The following PLCL2 variants were observed in gnomAD, a reference collection of about 807,000 sequenced individuals.
PLCL2 encodes the protein phospholipase C like 2, also known as inactive phospholipase C-like protein 2.
A neutral mutation model predicts 79.6 loss-of-function variants in PLCL2; 4 were observed. That is an observed-to-expected ratio of 0.05 (90% confidence interval 0.02 to 0.11). The LOEUF is 0.11. Among genes scored for constraint, PLCL2 ranks in the 10% least tolerant of loss-of-function variants. PLCL2 has a pLI of 1.00. For synonymous variants in PLCL2, 484 were observed against 457.7 expected (o/e 1.06, Z -0.73); for missense variants, 895 against 1,291.0 (o/e 0.69, Z 4.70).
At chr3:16,952,271 A>G (rs907279605) in intron 1 of PLCL2, among the ~76,000 whole-genome samples, 1 of 150,214 alleles carries the variant, frequency 6.7e-6, no homozygotes, top group African/African-American at 2.4e-5. Context: ...AGGTGCAGCA[A>G]ACCACCATGG....
chr3:16,935,736 T>G (rs900763964), intron 1 of PLCL2, among the ~76,000 whole-genome samples: 2 of 152,166 alleles, frequency 1.3e-5, no homozygotes, highest in East Asian at 3.8e-4. Context: ...TATAGAGAGA[T>G]AAGATTTAAG....
At chr3:17,085,625 A>G (rs936661198) in intron 5 of PLCL2, among the ~76,000 whole-genome samples, 9 of 149,754 alleles carry the variant, frequency 6.0e-5, no homozygotes, top group African/African-American at 2.0e-4. Context: ...AATTTTTTGT[A>G]TTTTTAGTAG....
chr3:16,993,216 G>A (rs1339124728), intron 1 of PLCL2, among the ~76,000 whole-genome samples: 1 of 152,186 alleles, frequency 6.6e-6, no homozygotes, highest in Non-Finnish European at 1.5e-5. Flanking sequence ...TTTGCCCAGG[G>A]CAGTCCCTGT....
intron 3 of PLCL2, among the ~76,000 whole-genome samples, chr3:17,027,374 G>A (rs2047343739): frequency 1.3e-5 from 2 of 152,216 alleles, no homozygotes; most frequent in Admixed American, 1.3e-4. Flanking sequence ...TAAATGAAGT[G>A]TTTTTGGAGA....
chr3:16,936,623 A>G (rs1697545799), intron 1 of PLCL2, among the ~76,000 whole-genome samples: 1 of 152,278 alleles, frequency 6.6e-6, no homozygotes, highest in Non-Finnish European at 1.5e-5. Context: ...TTTATTCCTG[A>G]AAGAACAAAA....
chr3:16,908,798 A>C (rs761059294), intron 1 of PLCL2, among the ~76,000 whole-genome samples: 2 of 152,226 alleles, frequency 1.3e-5, no homozygotes, highest in Admixed American at 6.5e-5. Flanking sequence ...GCTTAAAAAT[A>C]GCTTGTTTAT....
At chr3:17,033,972 G>A (rs993218103) in intron 3 of PLCL2, among the ~76,000 whole-genome samples, 8 of 152,108 alleles carry the variant, frequency 5.3e-5, no homozygotes, top group Non-Finnish European at 1.2e-4. Context: ...GTATAGTGAG[G>A]TGAGTTTTAG....
intron 4 of PLCL2, among the ~76,000 whole-genome samples, chr3:17,065,487 A>G (rs962456648): frequency 1.3e-5 from 2 of 152,088 alleles, no homozygotes; most frequent in African/African-American, 4.8e-5. Flanking sequence ...CTGCTGTTCC[A>G]TACTTACATT....
In PLCL2 at chr3:17,050,976, A is replaced by C. The variant is rs115782660; in HGVS notation, c.3094+8027A>C. 3.0e-3 allele frequency among the ~76,000 whole-genome samples: 453 copies of C among 152,356 alleles called. 4 individuals are homozygous for C. Among genetic ancestry groups the C allele is most frequent in the African/African-American group, 0.01 (433 of 41,578 alleles). ...TGCTATTCAGCCATGGAAAAGAATG[A>C]GATCCTATCATTTGCAACATGGATG... On this transcript the variant is annotated intron_variant, in intron 4 of 5. Transcript: ENST00000615277.
chr3:17,072,240 T>G (rs753840153), intron 5 of PLCL2, among the ~76,000 whole-genome samples: 1 of 152,220 alleles, frequency 6.6e-6, no homozygotes, highest in Non-Finnish European at 1.5e-5. Flanking sequence ...AACAAAGATT[T>G]ATTTCCATTT....
intron 1 of PLCL2, among the ~76,000 whole-genome samples, chr3:16,905,616 A>G (rs1425676819): frequency 6.6e-6 from 1 of 152,250 alleles, no homozygotes; most frequent in African/African-American, 2.4e-5. Context: ...ATGAAATTGT[A>G]TACCAAAAAA....
chr3:16,902,881 T>TGTGTGTGCGC (rs1272936432), intron 1 of PLCL2, among the ~76,000 whole-genome samples: 25 of 133,914 alleles, frequency 1.9e-4, no homozygotes, highest in Admixed American at 8.4e-4. Flanking sequence ...TGTGTGTGTG[T>TGTGTGTGCGC]GNGCGCATGT....
At chr3:17,049,585 C>T (rs1207399071) in intron 4 of PLCL2, among the ~76,000 whole-genome samples, 1 of 151,532 alleles carries the variant, frequency 6.6e-6, no homozygotes, top group Admixed American at 6.6e-5. Flanking sequence ...TTAAAATAGC[C>T]CCAAATAAAA....
chr3:17,046,731 T>C (rs565845397), intron 4 of PLCL2, among the ~76,000 whole-genome samples: 4 of 152,230 alleles, frequency 2.6e-5, no homozygotes, highest in Admixed American at 6.5e-5. Flanking sequence ...CAAGTGATAA[T>C]TGGCTTAGCT....
chr3:16,930,175 G>GT (rs1697358904), intron 1 of PLCL2, among the ~76,000 whole-genome samples: 2 of 152,182 alleles, frequency 1.3e-5, no homozygotes, highest in African/African-American at 4.8e-5. Context: ...AACATTTAAT[G>GT]TGGGTTAGAG....
chr3:17,073,841 C>T (rs556942266), intron 5 of PLCL2, among the ~76,000 whole-genome samples: 46 of 152,210 alleles, frequency 3.0e-4, no homozygotes, highest in Non-Finnish European at 4.7e-4. Context: ...TTAGTCACCT[C>T]TTCAGGCTCT....
intron 4 of PLCL2, among the ~76,000 whole-genome samples, chr3:17,045,694 GGA>G (rs1415978964): frequency 1.3e-5 from 2 of 152,140 alleles, no homozygotes; most frequent in African/African-American, 4.8e-5. Flanking sequence ...CATGTTGCTA[GGA>G]GTATATAAAC....
rs1033522186 is a variant in PLCL2, at chr3:16,996,475, A to G, written c.328-13199A>G. On this transcript the variant is annotated intron_variant, in intron 1 of 5. Transcript: ENST00000615277. ...TAATACTCGTGTTATAGGATTGTTG[A>G]ATACATAGTAACTGTGTAATTAATA... Among the ~76,000 whole-genome samples the G allele has an allele frequency of 3.3e-5, 5 of 152,184 alleles. No homozygotes were observed. The East Asian group carries it at 5.8e-4, about 18-fold the overall frequency.
chr3:16,906,881 C>T (rs1696763863), intron 1 of PLCL2, among the ~76,000 whole-genome samples: 1 of 152,174 alleles, frequency 6.6e-6, no homozygotes, highest in South Asian at 2.1e-4. Flanking sequence ...ACTCTGTGCT[C>T]CACCCAGTCT....
Sources: gnomAD v4.1 joint callset for allele counts (sites outside exome capture counted in the v4.1 genomes callset) on GRCh38, gnomAD v4.1.1 for gene constraint, MANE v1.5 for transcripts, NCBI Gene and HGNC (gene_info 2026-07-23, HGNC 2026-07-21) for gene names.